CPT1A: variants seen among roughly 807,000 people sequenced by gnomAD.
CPT1A encodes the protein carnitine palmitoyltransferase 1A.
In CPT1A, 64 loss-of-function variants were observed where a neutral mutation model predicts 100.8. The observed-to-expected ratio is 0.63, with a 90% CI of 0.52 to 0.78. The LOEUF (loss-of-function observed/expected upper bound fraction) is 0.78. CPT1A is among the 30% of genes least tolerant of loss of function. The pLI, the probability that CPT1A is intolerant of heterozygous loss-of-function variation, is 0.00. For missense variants in CPT1A, 802 were observed against 1,034.1 expected, an observed-to-expected ratio of 0.78 and a Z score of 3.08; for synonymous variants, 363 against 396.0, an observed-to-expected ratio of 0.92 and a Z score of 0.99.
chr11:68,768,732 C>G (rs939761610), intron 14 of CPT1A, among the ~76,000 whole-genome samples: 1 of 152,166 alleles, frequency 6.6e-6, no homozygotes, highest in Non-Finnish European at 1.5e-5. Context: ...TTACAGTAAG[C>G]TTGCTCACAC....
At position 68,762,652 on chromosome 11, in the gene CPT1A, C is replaced by T. The variant is rs375224809; in HGVS notation, c.1850G>A (p.Arg617Gln). 154 of 1,613,704 alleles carry T rather than the reference C, an allele frequency of 9.5e-5. 1 individual carries two copies. The highest frequency in any genetic ancestry group is 3.4e-4 in the South Asian group (31 of 91,064). Residue 617 changes from arginine (R) to glutamine (Q), a missense_variant, in exon 15 of 19, where the codon CGG (arginine) becomes CAG (glutamine). Arg to Gln is a conservative substitution (Grantham distance 43, BLOSUM62 1). This residue lies in a region of CPT1A where 627 missense variants were observed against 799.3 expected (regional missense o/e 0.78). Transcript: ENST00000265641. ...SCTTESCDFV[R>Q]AMVDPAQTVE... ...CGTCTGGGCCGGGTCCACCATGGCC[C>T]GCACGAAGTCGCATGACTCAGTGGT...
chr11:68,834,553 A>G (rs1425918333), intron 1 of CPT1A, among the ~76,000 whole-genome samples: 1 of 152,162 alleles, frequency 6.6e-6, no homozygotes, highest in Admixed American at 6.5e-5. Flanking sequence ...GGTATTTGAG[A>G]CCAATCTGGG....
At chr11:68,834,585 C>T (rs1303003919) in intron 1 of CPT1A, among the ~76,000 whole-genome samples, 1 of 152,124 alleles carries the variant, frequency 6.6e-6, no homozygotes, top group Non-Finnish European at 1.5e-5. Flanking sequence ...GACCCCATCT[C>T]TACAAAAAAT....
rs1219467802 is a variant in CPT1A, at chr11:68,780,819, TTCATC to T, written c.1353-79_1353-75del. ...ATGAGGAGACATTGCACCTCTCTGC[TTCATC>T]CTGGATGGACTAATTCACTTTGCAC... is the stretch of plus-strand genomic sequence containing the variant. On this transcript the variant is annotated intron_variant, in intron 11 of 18. Transcript: ENST00000265641. 4 of 1,093,672 alleles carry T rather than the reference TTCATC, an allele frequency of 3.7e-6. No individual in the cohort carries two copies. The African/African-American group carries it at 6.1e-5, about 17-fold the overall frequency. 67.7% of individuals were successfully genotyped at this position (1,093,672 alleles called of 1,614,324 possible).
intron 1 of CPT1A, among the ~76,000 whole-genome samples, chr11:68,826,605 G>A (rs1594373602): frequency 6.6e-6 from 1 of 151,772 alleles, no homozygotes; most frequent in Non-Finnish European, 1.5e-5. Flanking sequence ...GGGCGTGGTG[G>A]CGGGCGCCTG....
At position 68,755,029 on chromosome 11, in the gene CPT1A, G is replaced by C; in HGVS notation, c.*2615C>G. On this transcript the variant is annotated 3_prime_UTR_variant, in exon 19 of 19. Coordinates refer to ENST00000265641, the MANE Select transcript of CPT1A (RefSeq NM_001876.4). ...CAAACCATGGCTGCGTTAAGACAAT[G>C]GTTTGTTCCAATTAAATTAAACAGA... is the stretch of plus-strand genomic sequence containing the variant. 5.0e-6 allele frequency: 3 copies of C among 595,644 alleles called. No individual in the cohort carries two copies. In the South Asian group the frequency reaches 6.5e-5, roughly 13 times the overall value. The allele number at this position is 595,644 out of a possible 1,614,324, so 36.9% of individuals were successfully genotyped here. A position where few individuals can be genotyped will look rare whatever the true frequency, so the allele number is the denominator to read the frequency against.
At chr11:68,800,866 G>T (rs1184786677) in intron 5 of CPT1A, among the ~76,000 whole-genome samples, 7 of 152,170 alleles carry the variant, frequency 4.6e-5, no homozygotes, top group Non-Finnish European at 1.5e-5. Flanking sequence ...TGTAACCCCA[G>T]CACTTTGGGA....
intron 3 of CPT1A, among the ~76,000 whole-genome samples, chr11:68,809,543 G>T (rs117679370): frequency 2.0e-3 from 306 of 152,132 alleles, no homozygotes; most frequent in Non-Finnish European, 4.0e-3. Context: ...ATGTTGCTCA[G>T]GCTGATCTTG....
Position 68,841,409 on chromosome 11 carries a change from T to G in CPT1A, c.-14+366A>C, listed in dbSNP as rs1222749178. On this transcript the variant is annotated intron_variant, in intron 1 of 18. Transcript: ENST00000265641. This position sits in a 1 kb window ranked among gnomAD's most constrained non-coding sequence, Gnocchi z 6.3. ...AGACTCAATCCAGTCCAGGGCGGAT[T>G]AAGGAGTGGGAGACAAGGGAGCCGG... 1.4e-5 allele frequency among the ~76,000 whole-genome samples: 2 copies of G among 146,830 alleles called. No homozygotes were observed. The highest frequency in any genetic ancestry group is 3.0e-5 in the Non-Finnish European group (2 of 66,780).
chr11:68,815,247 G>T, intron 2 of CPT1A, 87 bp downstream of exon 2: 1 of 1,401,872 alleles, frequency 7.1e-7, no homozygotes, highest in Non-Finnish European at 1.0e-6. Flanking sequence ...TCGCCAGTCT[G>T]AAACACGTAG....
At position 68,793,416 on chromosome 11, in the gene CPT1A, A is replaced by G. The variant is rs954330658; in HGVS notation, c.880-14T>C. ...CAAAAGACGAATCTGTAACAAAAATATATTTCAAACCAACAACGAAAATCC... is the reference window on the plus strand; with the variant it reads ...CAAAAGACGAATCTGTAACAAAAATGTATTTCAAACCAACAACGAAAATCC... On this transcript the variant is annotated splice_polypyrimidine_tract_variant and intron_variant, in intron 8 of 18. Transcript: ENST00000265641. 1.2e-6 allele frequency: 2 copies of G among 1,600,412 alleles called. No homozygotes were observed. Among genetic ancestry groups the G allele is most frequent in the African/African-American group, 2.7e-5 (2 of 74,602 alleles).
chr11:68,793,882 TG>T (rs1855687285), intron 8 of CPT1A, among the ~76,000 whole-genome samples: 1 of 152,184 alleles, frequency 6.6e-6, no homozygotes, highest in Non-Finnish European at 1.5e-5. Flanking sequence ...AATGATTCGT[TG>T]GGGGACTCAT....
At chr11:68,812,699 G>A (rs1046339082) in intron 2 of CPT1A, 123 bp from the exon 3 acceptor site, 9 of 1,122,790 alleles carry the variant, frequency 8.0e-6, no homozygotes, top group Admixed American at 4.0e-5. Context: ...TGTGGACAGC[G>A]TGCGTGCACT....
chr11:68,794,721 T>C lies in CPT1A; in HGVS notation c.879+83A>G, dbSNP rs542478046. 4 of 1,224,250 alleles carry C rather than the reference T, an allele frequency of 3.3e-6. No individual in the cohort carries two copies. The East Asian group carries it at 9.3e-5, about 29-fold the overall frequency. 75.8% of individuals were successfully genotyped at this position (1,224,250 alleles called of 1,614,324 possible). A position where few individuals can be genotyped will look rare whatever the true frequency, so the allele number is the denominator to read the frequency against. ...ACCCTGTGCCCGGCCACAAACTGTATATTTTAAACATGTGCAATATGTCAA... is the reference window on the plus strand; with the variant it reads ...ACCCTGTGCCCGGCCACAAACTGTACATTTTAAACATGTGCAATATGTCAA... On this transcript the variant is annotated intron_variant, in intron 8 of 18. Coordinates refer to ENST00000265641, the MANE Select transcript of CPT1A (RefSeq NM_001876.4).
intron 12 of CPT1A, among the ~76,000 whole-genome samples, 158 bp downstream of exon 12, chr11:68,780,482 C>T (rs972048400): frequency 6.6e-6 from 1 of 152,200 alleles, no homozygotes; most frequent in Non-Finnish European, 1.5e-5. Context: ...CGGGGTTTCA[C>T]CATGTTGGCC....
intron 1 of CPT1A, among the ~76,000 whole-genome samples, chr11:68,824,800 T>TA (rs1246265962): frequency 6.7e-6 from 1 of 149,618 alleles, no homozygotes; most frequent in Admixed American, 6.7e-5. Flanking sequence ...GTATCTTTTT[T>TA]TTTTTTTTTT....
chr11:68,841,833 T>C lies in CPT1A; in HGVS notation c.-72A>G, dbSNP rs1010576197. ...GCAGCGGCGGCGGCGGCGGCGGCGGTGGAGTGAACGAGCGGCGAGCGGGAG... is the reference window on the plus strand; with the variant it reads ...GCAGCGGCGGCGGCGGCGGCGGCGGCGGAGTGAACGAGCGGCGAGCGGGAG... On this transcript the variant is annotated 5_prime_UTR_variant, in exon 1 of 19. Transcript: ENST00000265641. This position sits in a 1 kb window ranked among gnomAD's most constrained non-coding sequence, Gnocchi z 6.3. 2.2e-5 allele frequency: 22 copies of C among 994,724 alleles called. No homozygotes were observed. Among genetic ancestry groups the C allele is most frequent in the Admixed American group, 1.2e-4 (2 of 16,196 alleles). The allele number at this position is 994,724 out of a possible 1,614,324, so 61.6% of individuals were successfully genotyped here. A position where few individuals can be genotyped will look rare whatever the true frequency, so the allele number is the denominator to read the frequency against.
intron 1 of CPT1A, among the ~76,000 whole-genome samples, chr11:68,817,708 T>G (rs1594366039): frequency 5.5e-5 from 1 of 18,190 alleles, no homozygotes; most frequent in Non-Finnish European, 1.1e-4. Flanking sequence ...GGCAGGTGGC[T>G]GGGGTCAAGG....
chr11:68,785,282 AGGCTGGGAG>A (rs2153998469), intron 9 of CPT1A, among the ~76,000 whole-genome samples: 1 of 152,218 alleles, frequency 6.6e-6, no homozygotes, highest in South Asian at 2.1e-4. Context: ...GCGCAGTGGG[AGGCTGGGAG>A]TGGTGGCTCA....
Sources: gnomAD v4.1 joint callset for allele counts (sites outside exome capture counted in the v4.1 genomes callset) on GRCh38, gnomAD v4.1.1 for gene constraint, gnomAD v4.1.1 regional missense constraint, Gnocchi (gnomAD v3.1) non-coding constraint, MANE v1.5 for transcripts, NCBI Gene and HGNC (gene_info 2026-07-23, HGNC 2026-07-21) for gene names.